NOS1: variants seen among roughly 807,000 people sequenced by gnomAD.
NOS1 encodes the protein NOS type I.
In NOS1, 51 loss-of-function variants were observed where a neutral mutation model predicts 164.5. That is an observed-to-expected ratio of 0.31 (90% CI 0.25 to 0.39). NOS1 has a LOEUF of 0.39. Ranked by LOEUF, NOS1 falls within the 10% of genes least tolerant of loss-of-function variation. The pLI is 1.00. For missense variants in NOS1, 1,362 were observed against 1,885.6 expected (o/e 0.72, Z 5.14); for synonymous variants, 719 against 745.8 (o/e 0.96, Z 0.59).
intron 1 of NOS1, among the ~76,000 whole-genome samples, chr12:117,345,797 T>C (rs1355489910): frequency 6.6e-6 from 1 of 152,058 alleles, no homozygotes; most frequent in Non-Finnish European, 1.5e-5. Context: ...AGGTCGAGGC[T>C]GCAGTGAGCC....
chr12:117,353,828 C>T (rs1876742827), intron 1 of NOS1, among the ~76,000 whole-genome samples: 1 of 151,972 alleles, frequency 6.6e-6, no homozygotes, highest in African/African-American at 2.4e-5. Context: ...ACATTTTGGG[C>T]TGGGCTCAGG....
At chr12:117,290,515 T>C in intron 3 of NOS1, 89 bp from the exon 4 acceptor site, 1 of 1,471,380 alleles carries the variant, frequency 6.8e-7, no homozygotes, top group Admixed American at 2.1e-5. Context: ...GCCATTGTTC[T>C]TCCTGGGATC....
At chr12:117,269,210 C>T (rs190452605) in intron 10 of NOS1, among the ~76,000 whole-genome samples, 12 of 152,136 alleles carry the variant, frequency 7.9e-5, no homozygotes, top group Admixed American at 2.0e-4. Flanking sequence ...TGAGAAGAAG[C>T]CAGATATTCG....
Position 117,265,010 on chromosome 12 carries a change from TA to T in NOS1, c.2136+305del, listed in dbSNP as rs528771683. Reference sequence around the variant, plus strand: ...GACCCACCATGCCCAGCCTGCTAATTAAAAAAAAAAAAAAATTTAGAGATGG... The same window carrying T: ...GACCCACCATGCCCAGCCTGCTAATTAAAAAAAAAAAAAATTTAGAGATGG... On this transcript the variant is annotated intron_variant, in intron 12 of 28. Coordinates refer to ENST00000317775, the MANE Select transcript of NOS1 (RefSeq NM_000620.5). Among the ~76,000 whole-genome samples the T allele has an allele frequency of 4.4e-3, 620 of 141,946 alleles. 2 individuals carry two copies. Among genetic ancestry groups the T allele is most frequent in the East Asian group, 7.2e-3 (35 of 4,854 alleles). The allele number at this position is 141,946 out of a possible 152,430, so 93.1% of individuals were successfully genotyped here.
chr12:117,321,997 CCT>C (rs1388597564), intron 2 of NOS1, among the ~76,000 whole-genome samples: 2 of 50,512 alleles, frequency 4.0e-5, no homozygotes, highest in African/African-American at 8.0e-5. Flanking sequence ...TCCTTCCCTC[CCT>C]CTCTCCTTCC....
intron 3 of NOS1, among the ~76,000 whole-genome samples, chr12:117,301,259 CT>C (rs1021582138): frequency 2.0e-5 from 3 of 152,088 alleles, no homozygotes; most frequent in African/African-American, 7.2e-5. Context: ...TCCCAAGTAG[CT>C]GGGATTACAA....
At chr12:117,231,146 C>G (rs9658496) in intron 22 of NOS1, among the ~76,000 whole-genome samples, 1,523 of 151,858 alleles carry the variant, frequency 0.01, 31 homozygotes, top group East Asian at 0.058. Context: ...TCCATCTCTA[C>G]TAAAGAAAAA....
intron 1 of NOS1, among the ~76,000 whole-genome samples, chr12:117,354,686 G>T (rs1021265977): frequency 1.3e-5 from 2 of 152,152 alleles, no homozygotes; most frequent in African/African-American, 4.8e-5. Context: ...AGGATGGACT[G>T]CCCACATCAT....
rs371302672 is a variant in NOS1 at position 117,332,831 on chromosome 12, C to T, written c.-420-1342G>A. On this transcript the variant is annotated intron_variant, in intron 1 of 28. Transcript: ENST00000317775. Reference sequence around the variant, plus strand: ...AGTGAGCTGAGATTACGCCATTGCGCTCCAGCCTGGGCAACAGAGTGAAAC... The same window carrying T: ...AGTGAGCTGAGATTACGCCATTGCGTTCCAGCCTGGGCAACAGAGTGAAAC... Among the ~76,000 whole-genome samples the T allele has an allele frequency of 6.6e-4, 101 of 152,236 alleles. 1 individual carries two copies. In the South Asian group the frequency reaches 0.02, roughly 31 times the overall value.
chr12:117,285,989 A>C, intron 6 of NOS1, 115 bp downstream of exon 6: 1 of 1,159,012 alleles, frequency 8.6e-7, no homozygotes, highest in Non-Finnish European at 1.2e-6. Flanking sequence ...CTGATAGGTC[A>C]CCATGGCTAC....
In NOS1 at chr12:117,272,243, C is replaced by A; in HGVS notation, c.1839+142G>T. On this transcript the variant is annotated intron_variant, in intron 10 of 28. Transcript: ENST00000317775. This position sits in a 1 kb window ranked among gnomAD's most constrained non-coding sequence, Gnocchi z 4.3. ...AAAGACATGGATGCCCCTGGCATTTCCAGGGGCTTCTCTGGGATTGCAATT... is the reference window on the plus strand; with the variant it reads ...AAAGACATGGATGCCCCTGGCATTTACAGGGGCTTCTCTGGGATTGCAATT... 1 of 853,648 alleles carries A rather than the reference C, an allele frequency of 1.2e-6. No homozygotes were observed. The highest frequency in any genetic ancestry group is 1.9e-6 in the Non-Finnish European group (1 of 525,774). 52.9% of individuals were successfully genotyped at this position (853,648 alleles called of 1,614,324 possible).
Position 117,268,341 on chromosome 12 carries a change from C to G in NOS1, c.1840-197G>C, listed in dbSNP as rs1432906001. Among the ~76,000 whole-genome samples, 3 of 152,014 alleles carry G rather than the reference C, an allele frequency of 2.0e-5. No individual in the cohort carries two copies. The East Asian group carries it at 5.8e-4, about 29-fold the overall frequency. ...TGCCTCCTGCATTCAAGCGATTCTCCTGCCTCAGCCTCCTGAGTAGCTGGG... is the reference window on the plus strand; with the variant it reads ...TGCCTCCTGCATTCAAGCGATTCTCGTGCCTCAGCCTCCTGAGTAGCTGGG... On this transcript the variant is annotated intron_variant, in intron 10 of 28. Transcript: ENST00000317775.
Position 117,272,609 on chromosome 12 carries a change from C to A in NOS1, c.1665-50G>T, listed in dbSNP as rs372479905. 28 of 1,559,430 alleles carry A rather than the reference C, an allele frequency of 1.8e-5. No individual in the cohort carries two copies. The Middle Eastern group carries it at 5.3e-4, about 30-fold the overall frequency. On this transcript the variant is annotated intron_variant, in intron 9 of 28. Transcript: ENST00000317775. This position sits in a 1 kb window ranked among gnomAD's most constrained non-coding sequence, Gnocchi z 4.3. ...TCACCCGGAGCAGGTGTCTCATGGG[C>A]GGGACAGCTTGAATCTAGAGATGCT... is the stretch of plus-strand genomic sequence containing the variant.
chr12:117,252,891 A>C (rs998731054), intron 17 of NOS1, among the ~76,000 whole-genome samples: 12 of 152,210 alleles, frequency 7.9e-5, no homozygotes, highest in Middle Eastern at 3.2e-3. Flanking sequence ...TTCTTCCTAC[A>C]GGGCAACTCA....
Position 117,209,794 on chromosome 12 carries a change from G to A in NOS1, c.*5515C>T. 1 of 985,486 alleles carries A rather than the reference G, an allele frequency of 1.0e-6. No individual in the cohort carries two copies. The highest frequency in any genetic ancestry group is 4.7e-5 in the South Asian group (1 of 21,282). 61.0% of individuals were successfully genotyped at this position (985,486 alleles called of 1,614,324 possible). On this transcript the variant is annotated 3_prime_UTR_variant, in exon 29 of 29. Coordinates refer to ENST00000317775, the MANE Select transcript of NOS1 (RefSeq NM_000620.5). ...TCTTTTGGGGCCCCTTTGCCACAAG[G>A]CAGGGACTGGCAGTGGGCCAAGGAT...
intron 3 of NOS1, among the ~76,000 whole-genome samples, chr12:117,299,204 AC>A (rs1873629105): frequency 6.6e-6 from 1 of 152,270 alleles, no homozygotes; most frequent in African/African-American, 2.4e-5. Flanking sequence ...ACCAGAAGGT[AC>A]CCACTTATCC....
In NOS1 at chr12:117,272,190, C is replaced by A. The variant is rs1037460224; in HGVS notation, c.1839+195G>T. ...GTTAGCACGTGCTATGTGCTATGTG[C>A]GTGTTTGCTGTTATTTTCATTGTTG... On this transcript the variant is annotated intron_variant, in intron 10 of 28. Transcript: ENST00000317775. The surrounding 1 kb of genome is among the most constrained non-coding windows in gnomAD (Gnocchi z 4.3). Among the ~76,000 whole-genome samples, 1 of 152,120 alleles carries A rather than the reference C, an allele frequency of 6.6e-6. No homozygotes were observed. The highest frequency in any genetic ancestry group is 1.9e-4 in the East Asian group (1 of 5,186).
intron 1 of NOS1, among the ~76,000 whole-genome samples, chr12:117,351,541 G>A (rs1876619365): frequency 6.6e-6 from 1 of 152,172 alleles, no homozygotes; most frequent in Non-Finnish European, 1.5e-5. Context: ...GACCCTGACT[G>A]ACAAATCTTC....
intron 3 of NOS1, among the ~76,000 whole-genome samples, chr12:117,297,978 G>C (rs9658316): frequency 6.6e-6 from 1 of 152,018 alleles, no homozygotes; most frequent in Non-Finnish European, 1.5e-5. Context: ...TTGGCACCAG[G>C]GATCGGTTTT....
Sources: gnomAD v4.1 joint callset for allele counts (sites outside exome capture counted in the v4.1 genomes callset) on GRCh38, gnomAD v4.1.1 for gene constraint, Gnocchi (gnomAD v3.1) non-coding constraint, MANE v1.5 for transcripts, NCBI Gene and HGNC (gene_info 2026-07-23, HGNC 2026-07-21) for gene names.